Variants in DNAI7 observed in about 807,000 individuals in gnomAD.
The protein encoded by DNAI7 is cancer susceptibility 1.
In DNAI7, 78 loss-of-function variants were observed where a neutral mutation model predicts 86.6. The observed-to-expected ratio is 0.90, with a 90% CI of 0.75 to 1.09. The LOEUF (loss-of-function observed/expected upper bound fraction) is 1.09. DNAI7 is among the 50% of genes least tolerant of loss of function. The pLI, the probability that DNAI7 is intolerant of heterozygous loss-of-function variation, is 0.00. For missense variants in DNAI7, 753 were observed against 810.2 expected (o/e 0.93, Z 0.86); for synonymous variants, 274 against 273.0 (o/e 1.00, Z -0.04).
At chr12:25,144,803 GTGCTTTCTT>G in intron 8 of DNAI7, 126 bp from the exon 9 acceptor site, 1 of 730,360 alleles carries the variant, frequency 1.4e-6, no homozygotes, top group South Asian at 1.9e-5. Flanking sequence ...CTGATCATAT[GTGCTTTCTT>G]TGCAGCATTT....
chr12:25,161,582 C>T (rs1360380607), intron 2 of DNAI7, among the ~76,000 whole-genome samples: 1 of 152,148 alleles, frequency 6.6e-6, no homozygotes, highest in Admixed American at 6.5e-5. Flanking sequence ...GAAAAGTATT[C>T]TTATGACTAA....
intron 2 of DNAI7, among the ~76,000 whole-genome samples, chr12:25,189,320 G>A (rs991159638): frequency 3.9e-5 from 6 of 152,126 alleles, no homozygotes; most frequent in Non-Finnish European, 8.8e-5. Context: ...TATAATTGAG[G>A]TATGCACGAA....
At chr12:25,187,310 A>G (rs1950122942) in intron 2 of DNAI7, among the ~76,000 whole-genome samples, 2 of 152,024 alleles carry the variant, frequency 1.3e-5, no homozygotes, top group South Asian at 4.2e-4. Context: ...TTACTAACCT[A>G]CTCCCTTGCT....
chr12:25,179,732 C>A (rs978282420), intron 2 of DNAI7, among the ~76,000 whole-genome samples: 3 of 151,502 alleles, frequency 2.0e-5, no homozygotes, highest in African/African-American at 7.3e-5. Flanking sequence ...AATCCAATAT[C>A]CTTTCATGAT....
chr12:25,158,658 G>A (rs1276630993), intron 3 of DNAI7, 95 bp from the exon 4 acceptor site: 4 of 1,509,012 alleles, frequency 2.7e-6, no homozygotes, highest in Non-Finnish European at 3.5e-6. Context: ...TGTAGTGGTG[G>A]AATCTTTTAT....
intron 13 of DNAI7, 143 bp downstream of exon 13, chr12:25,114,513 A>G (rs1939665544): frequency 1.7e-6 from 1 of 581,528 alleles, no homozygotes; most frequent in Non-Finnish European, 3.1e-6. Context: ...ATATAGCTCA[A>G]GGTACATTTT....
intron 2 of DNAI7, among the ~76,000 whole-genome samples, chr12:25,173,854 T>A (rs1295462610): frequency 1.5e-5 from 2 of 136,392 alleles, no homozygotes; most frequent in Middle Eastern, 3.9e-3. Context: ...ATATACATCA[T>A]ATGTATACCA....
intron 9 of DNAI7, among the ~76,000 whole-genome samples, chr12:25,134,659 C>T (rs1943334741): frequency 6.6e-6 from 1 of 152,054 alleles, no homozygotes; most frequent in South Asian, 2.1e-4. Flanking sequence ...ACCTGGCCTC[C>T]TTGGTGTACT....
intron 2 of DNAI7, among the ~76,000 whole-genome samples, chr12:25,186,648 T>C (rs1408582604): frequency 6.6e-6 from 1 of 152,116 alleles, no homozygotes; most frequent in African/African-American, 2.4e-5. Context: ...ACATCAATGT[T>C]TCGAATTGTC....
At chr12:25,133,337 A>G (rs1046222755) in intron 9 of DNAI7, among the ~76,000 whole-genome samples, 2 of 152,180 alleles carry the variant, frequency 1.3e-5, no homozygotes, top group Non-Finnish European at 2.9e-5. Context: ...TTCCCCTAAC[A>G]AATCCCATTA....
At chr12:25,163,140 A>G (rs1028851922) in intron 2 of DNAI7, among the ~76,000 whole-genome samples, 2 of 152,354 alleles carry the variant, frequency 1.3e-5, no homozygotes, top group African/African-American at 4.8e-5. Context: ...AGCAAAAACA[A>G]AAAACAAAAC....
At chr12:25,185,684 C>A (rs1319271741) in intron 2 of DNAI7, 16 of 611,732 alleles carry the variant, frequency 2.6e-5, no homozygotes, top group Middle Eastern at 8.0e-4. Flanking sequence ...ATTTTAATGT[C>A]CTGAACTCAA....
In DNAI7 at chr12:25,194,743, AAG is replaced by A. The variant is rs1233690167; in HGVS notation, c.3+331_3+332del. On this transcript the variant is annotated intron_variant, in intron 1 of 15. Coordinates refer to ENST00000395987, the MANE Select transcript of DNAI7 (RefSeq NM_018272.5). ...TAAAACATTTCCGCCAAGTTGCAAT[AAG>A]AAAATTTAGTGGGAACGTCTATCAC... The A allele has an allele frequency of 3.9e-6, 3 of 762,970 alleles. No homozygotes were observed. The East Asian group carries it at 7.8e-5, about 20-fold the overall frequency. 47.3% of individuals were successfully genotyped at this position (762,970 alleles called of 1,614,324 possible).
chr12:25,158,581 AT>A lies in DNAI7; in HGVS notation c.107-19del, dbSNP rs34714093. The A allele has an allele frequency of 6.2e-7, 1 of 1,603,530 alleles. No homozygotes were observed. The highest frequency in any genetic ancestry group is 8.5e-7 in the Non-Finnish European group (1 of 1,174,666). On this transcript the variant is annotated intron_variant, in intron 3 of 15. Coordinates refer to ENST00000395987, the MANE Select transcript of DNAI7 (RefSeq NM_018272.5). ...GGCTTCCTCTAAAGAACCAAAAATA[AT>A]TTTTTTCTCAGTGAATAGATCACTG...
intron 4 of DNAI7, among the ~76,000 whole-genome samples, chr12:25,157,783 A>T (rs932929111): frequency 5.3e-5 from 8 of 152,208 alleles, no homozygotes; most frequent in African/African-American, 1.9e-4. Flanking sequence ...AAAAGATTCT[A>T]GTGAAACAGA....
rs563520796 is a variant in DNAI7, at chr12:25,130,796, T to C, written c.1003-7510A>G. Among the ~76,000 whole-genome samples the C allele has an allele frequency of 3.9e-5, 6 of 152,220 alleles. No individual in the cohort carries two copies. In the South Asian group the frequency reaches 1.0e-3, roughly 26 times the overall value. ...GCTTTTCTAAAAAGTTTGCATGATA[T>C]AGTAATTGGGAAGACAGTATTACCC... is the stretch of plus-strand genomic sequence containing the variant. On this transcript the variant is annotated intron_variant, in intron 9 of 15. Coordinates refer to ENST00000395987, the MANE Select transcript of DNAI7 (RefSeq NM_018272.5).
chr12:25,111,728 T>C, intron 14 of DNAI7, 44 bp downstream of exon 14: 3 of 1,323,964 alleles, frequency 2.3e-6, no homozygotes, highest in South Asian at 1.5e-5. Flanking sequence ...ATTGCTAACA[T>C]TTTAAATGCA....
intron 9 of DNAI7, among the ~76,000 whole-genome samples, chr12:25,135,847 A>C (rs1943483949): frequency 6.6e-6 from 1 of 151,266 alleles, no homozygotes; most frequent in South Asian, 2.1e-4. Flanking sequence ...CAGCCGCAGC[A>C]ACCCCCGCCC....
At chr12:25,111,658 C>G (rs1938844982) in intron 14 of DNAI7, 114 bp downstream of exon 14, 2 of 453,614 alleles carry the variant, frequency 4.4e-6, no homozygotes, top group Non-Finnish European at 3.2e-6. Context: ...CTTTATAATA[C>G]TGTATAAATG....
Sources: allele counts gnomAD v4.1 joint callset (sites outside exome capture counted in the v4.1 genomes callset), GRCh38; gene constraint gnomAD v4.1.1; transcripts MANE v1.5; gene names NCBI Gene and HGNC (gene_info 2026-07-23, HGNC 2026-07-21).